The following ZNF75D variants were observed in gnomAD, a reference collection of about 807,000 sequenced individuals.
ZNF75D encodes zinc finger protein 75D, also known as zinc finger protein 75.
Under a neutral mutation model 33.3 loss-of-function variants are expected in ZNF75D, and 33 were observed. That is an observed-to-expected ratio of 0.99 (90% CI 0.75 to 1.32). The LOEUF (loss-of-function observed/expected upper bound fraction) is 1.32. Ranked by LOEUF, ZNF75D falls within the 40% of genes most tolerant of loss-of-function variation. The pLI, the probability that ZNF75D is intolerant of heterozygous loss-of-function variation, is 0.00. For missense variants in ZNF75D, 338 were observed against 367.5 expected (o/e 0.92, Z 0.66); for synonymous variants, 113 against 130.6 (o/e 0.87, Z 0.92).
intron 1 of ZNF75D, chrX:135,327,977 ATTCCC>A (rs2084603338): frequency 8.9e-6 from 1 of 112,301 alleles, no homozygotes; most frequent in South Asian, 3.7e-4. Context: ...TTCAAGCCAT[ATTCCC>A]TTCCAAGTCT....
downstream of ZNF75D, among the ~76,000 whole-genome samples, chrX:135,285,482 G>C (rs781933168): frequency 1.1e-3 from 124 of 112,447 alleles, no homozygotes; most frequent in African/African-American, 3.9e-3. Flanking sequence ...AAACCAGCTA[G>C]AAATGATGGA....
chrX:135,325,814 G>A (rs1191684479), intron 1 of ZNF75D, among the ~76,000 whole-genome samples: 3 of 112,464 alleles, frequency 2.7e-5, no homozygotes, highest in African/African-American at 6.5e-5. Context: ...CAGTCCCATC[G>A]ACCACCCAAG....
intron 1 of ZNF75D, among the ~76,000 whole-genome samples, chrX:135,272,542 C>T (rs2083886709): frequency 9.1e-6 from 1 of 110,496 alleles, no homozygotes; most frequent in African/African-American, 3.3e-5. Context: ...TAACCCAGAA[C>T]AGCATTTTAG....
intron 1 of ZNF75D, among the ~76,000 whole-genome samples, chrX:135,276,412 A>C (rs2083899352): frequency 8.9e-6 from 1 of 112,181 alleles, no homozygotes; most frequent in Admixed American, 9.4e-5. Context: ...TATAAGCTGC[A>C]CTTCGACATA....
Position 135,287,170 on chromosome X carries a change from T to G in ZNF75D, c.1500A>C (p.Arg500Ser), listed in dbSNP as rs1556419697. The G allele has an allele frequency of 8.3e-6, 10 of 1,209,622 alleles. No homozygotes were observed. The highest frequency in any genetic ancestry group is 1.1e-5 in the Non-Finnish European group (10 of 894,815). ...SSLLRHQKLH[R>S]RREACLVSPN ...GAGACACTAGACATGCTTCCCTTCT[T>G]CTGTGGAGTTTCTGGTGTCTAAGAA... Residue 500 changes from arginine to serine, a missense_variant, in exon 7 of 7, where the codon AGA becomes AGC. Physicochemically the swap from Arg to Ser is moderately radical, Grantham distance 110. This residue lies in a region of ZNF75D where 79 missense variants were observed against 80.1 expected (regional missense o/e 0.99). Coordinates refer to ENST00000370766, the MANE Select transcript of ZNF75D (RefSeq NM_007131.5).
At chrX:135,300,746 C>A (rs868946199) in intron 1 of ZNF75D, among the ~76,000 whole-genome samples, 18 of 85,301 alleles carry the variant, frequency 2.1e-4, no homozygotes, top group Admixed American at 2.6e-4. Context: ...GACTCCATCT[C>A]AAAAAAAAAA....
chrX:135,316,642 G>T (rs1415762057), intron 1 of ZNF75D, among the ~76,000 whole-genome samples: 1 of 110,597 alleles, frequency 9.0e-6, no homozygotes, highest in Non-Finnish European at 1.9e-5. Flanking sequence ...TTGTATATTT[G>T]GTTACTTTAT....
chrX:135,325,289 C>T (rs947164162), intron 1 of ZNF75D, among the ~76,000 whole-genome samples: 2 of 108,598 alleles, frequency 1.8e-5, no homozygotes, highest in East Asian at 3.0e-4. Context: ...GGTGACAGCA[C>T]GCTGGCAGTC....
chrX:135,308,460 G>T (rs1019793487), intron 1 of ZNF75D, among the ~76,000 whole-genome samples: 1 of 111,997 alleles, frequency 8.9e-6, no homozygotes, highest in Non-Finnish European at 1.9e-5. Context: ...TTGGTAATGG[G>T]GGGGAAGGTA....
At chrX:135,341,525 TC>T (rs1556444743) in intron 1 of ZNF75D, among the ~76,000 whole-genome samples, 1 of 111,711 alleles carries the variant, frequency 9.0e-6, no homozygotes. Context: ...TATGGTTATT[TC>T]CCCAGTTCCA....
At chrX:135,276,785 T>G (rs952074195) in intron 1 of ZNF75D, among the ~76,000 whole-genome samples, 1 of 111,361 alleles carries the variant, frequency 9.0e-6, no homozygotes, top group Non-Finnish European at 1.9e-5. Context: ...GAATGATGGT[T>G]TCCAGCTTCA....
At chrX:135,312,002 C>T (rs1254717964) in intron 1 of ZNF75D, among the ~76,000 whole-genome samples, 1 of 111,754 alleles carries the variant, frequency 8.9e-6, no homozygotes, top group Non-Finnish European at 1.9e-5. Flanking sequence ...TGGGAACATA[C>T]CAAGTTCTCT....
intron 1 of ZNF75D, among the ~76,000 whole-genome samples, chrX:135,340,299 A>C (rs1236073284): frequency 8.9e-6 from 1 of 112,127 alleles, no homozygotes; most frequent in African/African-American, 3.2e-5. Flanking sequence ...ATCTCTACAT[A>C]ATAGTTCATC....
At chrX:135,331,752 C>T (rs933471793) in intron 1 of ZNF75D, among the ~76,000 whole-genome samples, 1 of 111,545 alleles carries the variant, frequency 9.0e-6, no homozygotes, top group African/African-American at 3.3e-5. Flanking sequence ...TGTCTCTCCA[C>T]CTCCACCTAC....
chrX:135,291,316 C>A, intron 5 of ZNF75D, 156 bp downstream of exon 5: 1 of 791,101 alleles, frequency 1.3e-6, no homozygotes. Context: ...TGGGAGGTGC[C>A]CAGTTCCCAC....
At chrX:135,261,418 T>C (rs2083841584) in intron 1 of ZNF75D, among the ~76,000 whole-genome samples, 1 of 111,842 alleles carries the variant, frequency 8.9e-6, no homozygotes, top group African/African-American at 3.3e-5. Context: ...CCCATTATTA[T>C]TGTGTGGGAG....
intron 1 of ZNF75D, among the ~76,000 whole-genome samples, chrX:135,280,690 C>T (rs190656756): frequency 1.8e-5 from 2 of 111,647 alleles, no homozygotes; most frequent in African/African-American, 6.5e-5. Context: ...CTGGTGGTGA[C>T]AAAATCTCTC....
At chrX:135,299,439 G>A (rs1466144665) in intron 1 of ZNF75D, among the ~76,000 whole-genome samples, 1 of 111,869 alleles carries the variant, frequency 8.9e-6, no homozygotes, top group Non-Finnish European at 1.9e-5. Flanking sequence ...TTTCTTTGGA[G>A]AAACTTTTTT....
At chrX:135,275,162 T>C (rs1233459082) in intron 1 of ZNF75D, among the ~76,000 whole-genome samples, 1 of 112,467 alleles carries the variant, frequency 8.9e-6, no homozygotes, top group Non-Finnish European at 1.9e-5. Flanking sequence ...TGAAAGAGAA[T>C]TGGCGAATTA....
Sources: allele counts gnomAD v4.1 joint callset (sites outside exome capture counted in the v4.1 genomes callset), GRCh38; gene constraint gnomAD v4.1.1; regional missense constraint gnomAD v4.1.1; transcripts MANE v1.5; gene names NCBI Gene and HGNC (gene_info 2026-07-23, HGNC 2026-07-21).